Variants in PDCD7 observed in about 807,000 individuals in gnomAD.
PDCD7 encodes programmed cell death protein 7.
In PDCD7, 40 loss-of-function variants were observed where a neutral mutation model predicts 42.1. The ratio of observed to expected loss-of-function variants is 0.95; its 90% confidence interval spans 0.74 to 1.24. The LOEUF is 1.24. Among genes scored for constraint, PDCD7 ranks in the 50% most tolerant of loss-of-function variants. PDCD7 has a pLI of 0.00. For missense variants in PDCD7, 644 were observed against 662.8 expected (o/e 0.97, Z 0.31); for synonymous variants, 299 against 303.3 (o/e 0.99, Z 0.15).
chr15:65,129,963 G>A (rs1416631878), intron 1 of PDCD7, among the ~76,000 whole-genome samples: 1 of 104,720 alleles, frequency 9.5e-6, no homozygotes, highest in African/African-American at 3.9e-5. Flanking sequence ...TCATTCTGTT[G>A]CCCAGGCTGG....
In PDCD7 at chr15:65,118,664, A is replaced by G. The variant is rs2087425981; in HGVS notation, c.*53T>C. The G allele has an allele frequency of 6.7e-7, 1 of 1,503,698 alleles. No individual in the cohort carries two copies. The highest frequency in any genetic ancestry group is 8.9e-7 in the Non-Finnish European group (1 of 1,125,306). The allele number at this position is 1,503,698 out of a possible 1,614,324, so 93.1% of individuals were successfully genotyped here. A position where few individuals can be genotyped will look rare whatever the true frequency, so the allele number is the denominator to read the frequency against. ...ACAGCAAAAGATGGCACCATCGCTA[A>G]TATTTACAGCTGGAAAGAGCGCTGG... On this transcript the variant is annotated 3_prime_UTR_variant, in exon 5 of 5. Coordinates refer to ENST00000204549, the MANE Select transcript of PDCD7 (RefSeq NM_005707.2).
At position 65,119,741 on chromosome 15, in the gene PDCD7, T is replaced by G. The variant is rs773753448; in HGVS notation, c.1223A>C (p.Glu408Ala). Residue 408 changes from glutamate to alanine, a missense_variant, in exon 3 of 5, where the codon GAG (glutamate) becomes GCG (alanine). Transcript: ENST00000204549. ...ACCTGGATCCCCAAACAACTTGGACTCAATTTCACGTTTCTGAAGTAAAAT... is the reference window on the plus strand; with the variant it reads ...ACCTGGATCCCCAAACAACTTGGACGCAATTTCACGTTTCTGAAGTAAAAT... Reference protein sequence around the residue: ...EKILLQKREIESKLFGDPDEF... With the variant: ...EKILLQKREIASKLFGDPDEF... 6.2e-7 allele frequency: 1 copy of G among 1,611,576 alleles called. No homozygotes were observed. Among genetic ancestry groups the G allele is most frequent in the East Asian group, 2.2e-5 (1 of 44,878 alleles).
intron 2 of PDCD7, among the ~76,000 whole-genome samples, chr15:65,122,224 T>G (rs1035044252): frequency 6.6e-6 from 1 of 151,988 alleles, no homozygotes; most frequent in African/African-American, 2.4e-5. Flanking sequence ...TAGTTCCAAC[T>G]ACTCAGGAGG....
Position 65,118,610 on chromosome 15 carries a change from C to A in PDCD7, c.*107G>T, listed in dbSNP as rs368970647. On this transcript the variant is annotated 3_prime_UTR_variant, in exon 5 of 5. Transcript: ENST00000204549. ...ATAACTTCAGGGTAGGGGAATGCCA[C>A]ATGGAATTTAGAAGTTGCAGTTTAG... 3.5e-5 allele frequency: 41 copies of A among 1,188,000 alleles called. 1 individual carries two copies. The East Asian group carries it at 1.0e-3, about 30-fold the overall frequency. 73.6% of individuals were successfully genotyped at this position (1,188,000 alleles called of 1,614,324 possible).
At chr15:65,132,543 C>A (rs2087549346) in intron 1 of PDCD7, among the ~76,000 whole-genome samples, 1 of 152,272 alleles carries the variant, frequency 6.6e-6, no homozygotes, top group South Asian at 2.1e-4. Context: ...GGCCACCGCG[C>A]CCGGCCTGTA....
Position 65,133,575 on chromosome 15 carries a change from C to A in PDCD7, c.207G>T (p.Glu69Asp). 8.1e-7 allele frequency: 1 copy of A among 1,231,556 alleles called. No homozygotes were observed. The highest frequency in any genetic ancestry group is 1.0e-6 in the Non-Finnish European group (1 of 987,408). 76.3% of individuals were successfully genotyped at this position (1,231,556 alleles called of 1,614,324 possible). Residue 69 changes from glutamate (E) to aspartate (D), a missense_variant, in exon 1 of 5, where the codon GAG becomes GAT. Transcript: ENST00000204549. ...PLALQPRASA[E>D]ASRGGGGAGA... ...CAGCGCCGCCTCCGCCGCGGGAGGCCTCCGCGGAGGCTCGGGGCTGCAGAG... is the reference window on the plus strand; with the variant it reads ...CAGCGCCGCCTCCGCCGCGGGAGGCATCCGCGGAGGCTCGGGGCTGCAGAG...
Position 65,119,398 on chromosome 15 carries a change from G to A in PDCD7, c.1312C>T (p.Leu438=), listed in dbSNP as rs2087433394. ...GACCTGATCTGGATGAGCGCTGGCAGGGAGTGCTCGGCTTGGAGATAATAC... is the reference window on the plus strand; with the variant it reads ...GACCTGATCTGGATGAGCGCTGGCAAGGAGTGCTCGGCTTGGAGATAATAC... The part of the protein sequence containing the change: ...RQYYLQAEHS[L]PALIQIRHDW... Residue 438 remains leucine, a synonymous_variant, in exon 4 of 5, where the codon CTG becomes TTG. Transcript: ENST00000204549. 6.2e-7 allele frequency: 1 copy of A among 1,613,786 alleles called. No individual in the cohort carries two copies. Among genetic ancestry groups the A allele is most frequent in the African/African-American group, 1.3e-5 (1 of 74,932 alleles).
chr15:65,133,759 C>A lies in PDCD7; in HGVS notation c.23G>T (p.Gly8Val). The A allele has an allele frequency of 7.5e-7, 1 of 1,336,100 alleles. No individual in the cohort carries two copies. The highest frequency in any genetic ancestry group is 2.2e-5 in the South Asian group (1 of 45,444). 82.8% of individuals were successfully genotyped at this position (1,336,100 alleles called of 1,614,324 possible). Reference protein sequence around the residue: MALPPFFGQGRPGPPPPQ... With the variant: MALPPFFVQGRPGPPPPQ... The stretch of plus-strand genomic sequence containing the variant: ...GGGCGGTGGGCCTGGGCGACCCTGG[C>A]CGAAGAATGGTGGCAGGGCCATGTT... Residue 8 changes from glycine (G) to valine (V), a missense_variant, in exon 1 of 5, where the codon GGC (glycine) becomes GTC (valine). Physicochemically the swap from Gly to Val is moderately radical, Grantham distance 109. Coordinates refer to ENST00000204549, the MANE Select transcript of PDCD7 (RefSeq NM_005707.2).
At chr15:65,127,128 C>T (rs1034295376) in intron 2 of PDCD7, among the ~76,000 whole-genome samples, 1 of 152,162 alleles carries the variant, frequency 6.6e-6, no homozygotes, top group Non-Finnish European at 1.5e-5. Context: ...TTTCTCTGCT[C>T]TACTGGCACT....
In PDCD7 at chr15:65,119,713, C is replaced by T. The variant is rs2087436661; in HGVS notation, c.1246+5G>A. The T allele has an allele frequency of 1.9e-6, 3 of 1,608,424 alleles. No homozygotes were observed. The highest frequency in any genetic ancestry group is 3.4e-5 in the Admixed American group (2 of 58,862). ...ATTTTCTCCACTGGTTATAGAGCAA[C>T]ATACCTGGATCCCCAAACAACTTGG... On this transcript the variant is annotated splice_donor_5th_base_variant and intron_variant, in intron 3 of 4. Transcript: ENST00000204549.
chr15:65,133,501 T>G lies in PDCD7; in HGVS notation c.281A>C (p.Gln94Pro), dbSNP rs1427953991. ...PPPPLPPPPP[Q>P]CRPFPGTDAG... is the part of the protein sequence containing the mutation. ...GTCGGTCCCCGGGAAGGGCCGACAC[T>G]GGGGCGGCGGAGGAGGCAGCGGCGG... is the stretch of plus-strand genomic sequence containing the variant. The change falls in exon 1 of 5, where the codon CAG becomes CCG. Residue 94 changes from glutamine to proline, a missense_variant. Physicochemically the swap from Gln to Pro is moderately conservative, Grantham distance 76. Coordinates refer to ENST00000204549, the MANE Select transcript of PDCD7 (RefSeq NM_005707.2). 1 of 1,225,438 alleles carries G rather than the reference T, an allele frequency of 8.2e-7. No homozygotes were observed. Among genetic ancestry groups the G allele is most frequent in the Non-Finnish European group, 1.0e-6 (1 of 984,112 alleles). The allele number at this position is 1,225,438 out of a possible 1,614,324, so 75.9% of individuals were successfully genotyped here. A position where few individuals can be genotyped will look rare whatever the true frequency, so the allele number is the denominator to read the frequency against.
intron 2 of PDCD7, among the ~76,000 whole-genome samples, chr15:65,126,372 T>C (rs111938520): frequency 0.015 from 2,212 of 152,252 alleles, 61 homozygotes; most frequent in African/African-American, 0.051. Context: ...TTATCCAGGA[T>C]GTACCACACA....
chr15:65,127,183 C>T (rs1315485427), intron 2 of PDCD7, among the ~76,000 whole-genome samples: 3 of 152,238 alleles, frequency 2.0e-5, no homozygotes, highest in East Asian at 3.9e-4. Context: ...CGGGGCCAGG[C>T]GTGGTGGCTC....
At chr15:65,127,848 G>C (rs1359420621) in intron 2 of PDCD7, among the ~76,000 whole-genome samples, 1 of 152,184 alleles carries the variant, frequency 6.6e-6, no homozygotes, top group Admixed American at 6.5e-5. Context: ...GAGGATGTGA[G>C]GTGTGGGAAT....
At chr15:65,123,872 C>G (rs2087475584) in intron 2 of PDCD7, among the ~76,000 whole-genome samples, 2 of 152,198 alleles carry the variant, frequency 1.3e-5, no homozygotes, top group Admixed American at 6.6e-5. Flanking sequence ...AGCTGTCACT[C>G]TGTTTTATAA....
At chr15:65,124,970 T>C (rs2087484420) in intron 2 of PDCD7, among the ~76,000 whole-genome samples, 1 of 152,190 alleles carries the variant, frequency 6.6e-6, no homozygotes, top group Non-Finnish European at 1.5e-5. Context: ...CAAGTCTCTG[T>C]TGGCTCTCAC....
At chr15:65,132,664 T>A (rs535273636) in intron 1 of PDCD7, among the ~76,000 whole-genome samples, 1 of 152,332 alleles carries the variant, frequency 6.6e-6, no homozygotes, top group East Asian at 1.9e-4. Flanking sequence ...GACCTGTCAT[T>A]CGTGCAGTGC....
At position 65,118,497 on chromosome 15, in the gene PDCD7, C is replaced by A. The variant is rs2087424533; in HGVS notation, c.*220G>T. The A allele has an allele frequency of 7.1e-6, 3 of 424,204 alleles. No homozygotes were observed. In the East Asian group the frequency reaches 1.2e-4, roughly 17 times the overall value. 26.3% of individuals were successfully genotyped at this position (424,204 alleles called of 1,614,324 possible). On this transcript the variant is annotated 3_prime_UTR_variant, in exon 5 of 5. Transcript: ENST00000204549. ...GGTCATTCACTGCCTGTGGTAAAAA[C>A]CTCAGTTCACCTAAGTCCTTTCCTG...
intron 2 of PDCD7, among the ~76,000 whole-genome samples, chr15:65,126,668 C>T (rs560620099): frequency 1.2e-3 from 177 of 151,588 alleles, no homozygotes; most frequent in Admixed American, 4.0e-3. Flanking sequence ...GTGGGAGGAT[C>T]GCTCCTGCCT....
Sources: gnomAD v4.1 joint callset for allele counts (sites outside exome capture counted in the v4.1 genomes callset) on GRCh38, gnomAD v4.1.1 for gene constraint, MANE v1.5 for transcripts, NCBI Gene and HGNC (gene_info 2026-07-23, HGNC 2026-07-21) for gene names.